VPS54: variants seen among roughly 807,000 people sequenced by gnomAD.
The protein encoded by VPS54 is vacuolar protein sorting-associated protein 54.
Under a neutral mutation model 121.5 loss-of-function variants are expected in VPS54, and 45 were observed. The ratio of observed to expected loss-of-function variants is 0.37; its 90% CI spans 0.29 to 0.47. The LOEUF (loss-of-function observed/expected upper bound fraction) is 0.47. Ranked by LOEUF, VPS54 falls within the 20% of genes least tolerant of loss-of-function variation. VPS54 has a pLI of 0.99. For missense variants in VPS54, 1,090 were observed against 1,131.4 expected (o/e 0.96, Z 0.52); for synonymous variants, 371 against 385.8 (o/e 0.96, Z 0.45).
intron 7 of VPS54, among the ~76,000 whole-genome samples, chr2:63,955,785 T>C (rs2104545085): frequency 6.6e-6 from 1 of 152,196 alleles, no homozygotes; most frequent in South Asian, 2.1e-4. Flanking sequence ...CCTCAATCTA[T>C]TCTTGTATAT....
intron 1 of VPS54, among the ~76,000 whole-genome samples, chr2:63,988,618 C>A (rs557655236): frequency 6.6e-5 from 10 of 152,256 alleles, no homozygotes; most frequent in African/African-American, 2.4e-4. Context: ...ATTTCACGGA[C>A]ATTTATCACT....
At chr2:63,955,300 T>G (rs939921898) in intron 7 of VPS54, among the ~76,000 whole-genome samples, 2 of 152,024 alleles carry the variant, frequency 1.3e-5, no homozygotes, top group Non-Finnish European at 2.9e-5. Flanking sequence ...GGATATAAAT[T>G]TAGACCTAAT....
chr2:63,990,718 C>G (rs1281790051), intron 1 of VPS54, among the ~76,000 whole-genome samples: 3 of 152,212 alleles, frequency 2.0e-5, no homozygotes, highest in African/African-American at 4.8e-5. Context: ...CAATGCAACA[C>G]TTATTATGCC....
intron 11 of VPS54, among the ~76,000 whole-genome samples, chr2:63,934,403 T>TAC (rs940068342): frequency 6.4e-4 from 97 of 152,288 alleles, no homozygotes; most frequent in African/African-American, 2.2e-3. Context: ...GCCTAGCCCC[T>TAC]ACCTCTCTTT....
At chr2:63,953,000 T>C (rs1298282763) in intron 7 of VPS54, among the ~76,000 whole-genome samples, 1 of 151,976 alleles carries the variant, frequency 6.6e-6, no homozygotes, top group Non-Finnish European at 1.5e-5. Flanking sequence ...TTTAAATAGA[T>C]ATTACTCACT....
chr2:63,901,825 G>A (rs1672689912), intron 20 of VPS54, among the ~76,000 whole-genome samples: 2 of 152,074 alleles, frequency 1.3e-5, no homozygotes, highest in African/African-American at 4.8e-5. Flanking sequence ...AGACCAGCCT[G>A]GCCAACATGG....
chr2:63,936,832 A>G (rs954864272), intron 11 of VPS54, among the ~76,000 whole-genome samples: 1 of 152,188 alleles, frequency 6.6e-6, no homozygotes, highest in Admixed American at 6.5e-5. Context: ...GAGAGAGCCC[A>G]CAAATGAACT....
In VPS54 at chr2:63,962,398, T is replaced by A; in HGVS notation, c.670A>T (p.Ile224Phe). The A allele has an allele frequency of 6.2e-7, 1 of 1,613,756 alleles. No homozygotes were observed. The highest frequency in any genetic ancestry group is 8.5e-7 in the Non-Finnish European group (1 of 1,179,798). ...DIVEVNIAHQISLRSEAFFHA... is the reference protein window; with the variant it reads ...DIVEVNIAHQFSLRSEAFFHA... Reference sequence around the variant, plus strand: ...AAAAATGCTTCTGAACGTAGAGAGATCTGGTGAGCAATGTTTACTTCCACA... The same window carrying A: ...AAAAATGCTTCTGAACGTAGAGAGAACTGGTGAGCAATGTTTACTTCCACA... Residue 224 changes from isoleucine (I) to phenylalanine (F), a missense_variant, in exon 7 of 23, where the codon ATC becomes TTC. By Grantham distance (21) the Ile-to-Phe change is conservative. Coordinates refer to ENST00000272322, the MANE Select transcript of VPS54 (RefSeq NM_016516.3).
intron 11 of VPS54, among the ~76,000 whole-genome samples, chr2:63,937,622 C>G (rs746356698): frequency 6.6e-6 from 1 of 152,096 alleles, no homozygotes; most frequent in Non-Finnish European, 1.5e-5. Context: ...ACCGTATGAT[C>G]CAGAAATTCC....
chr2:63,956,993 G>C (rs1467410945), intron 7 of VPS54, among the ~76,000 whole-genome samples: 2 of 152,056 alleles, frequency 1.3e-5, no homozygotes, highest in Non-Finnish European at 2.9e-5. Flanking sequence ...GGGCTCACGA[G>C]ACTTATGTAC....
intron 5 of VPS54, among the ~76,000 whole-genome samples, chr2:63,966,498 A>G (rs1182233475): frequency 1.3e-5 from 2 of 152,194 alleles, no homozygotes; most frequent in Non-Finnish European, 2.9e-5. Context: ...CCTACCCGTT[A>G]TATTTTGTAA....
intron 20 of VPS54, among the ~76,000 whole-genome samples, chr2:63,908,370 A>C (rs1672991815): frequency 6.6e-6 from 1 of 152,182 alleles, no homozygotes; most frequent in African/African-American, 2.4e-5. Flanking sequence ...GCAAAACTAC[A>C]TGGACAAATA....
At chr2:63,989,778 G>T (rs1264084924) in intron 1 of VPS54, among the ~76,000 whole-genome samples, 1 of 152,150 alleles carries the variant, frequency 6.6e-6, no homozygotes, top group East Asian at 1.9e-4. Context: ...AAAAGGGTTT[G>T]AGTGCCCATG....
intron 7 of VPS54, among the ~76,000 whole-genome samples, chr2:63,951,893 T>G (rs1007413063): frequency 6.6e-6 from 1 of 152,182 alleles, no homozygotes; most frequent in Non-Finnish European, 1.5e-5. Flanking sequence ...AATAAATGTG[T>G]TCTAGAAAAC....
At chr2:64,009,256 T>C in intron 1 of VPS54, among the ~76,000 whole-genome samples, 1 of 152,216 alleles carries the variant, frequency 6.6e-6, no homozygotes, top group Admixed American at 6.5e-5. Flanking sequence ...ATAATTAACA[T>C]CTAATTGTGA....
chr2:63,912,410 T>C lies in VPS54; in HGVS notation c.2560A>G (p.Ile854Val), dbSNP rs1452878093. The change falls in exon 20 of 23, where the codon ATA (isoleucine) becomes GTA (valine). Residue 854 changes from isoleucine (I) to valine (V), a missense_variant. Ile to Val is a conservative substitution (Grantham distance 29, BLOSUM62 3). Coordinates refer to ENST00000272322, the MANE Select transcript of VPS54 (RefSeq NM_016516.3). Reference protein sequence around the residue: ...DHITKDYHDHIAEISAKLVAI... With the variant: ...DHITKDYHDHVAEISAKLVAI... ...ACAAGCTTAGCTGATATTTCAGCTA[T>C]GTGATCATGGTAGTCCTGCAATGAG... is the stretch of plus-strand genomic sequence containing the variant. The C allele has an allele frequency of 1.9e-6, 3 of 1,612,610 alleles. No homozygotes were observed. Among genetic ancestry groups the C allele is most frequent in the Non-Finnish European group, 2.5e-6 (3 of 1,179,016 alleles).
intron 20 of VPS54, among the ~76,000 whole-genome samples, chr2:63,911,951 A>G (rs1448300928): frequency 1.3e-5 from 2 of 152,226 alleles, no homozygotes; most frequent in African/African-American, 2.4e-5. Context: ...ATTTAATGAC[A>G]TATTGGGAAT....
chr2:63,900,220 C>CAAAA lies in VPS54; in HGVS notation c.2626-643_2626-640dup, dbSNP rs70965149. Among the ~76,000 whole-genome samples the CAAAA allele has an allele frequency of 3.1e-3, 198 of 63,138 alleles. 2 individuals are homozygous for CAAAA. Among genetic ancestry groups the CAAAA allele is most frequent in the Non-Finnish European group, 3.9e-3 (146 of 37,070 alleles). 41.4% of individuals were successfully genotyped at this position (63,138 alleles called of 152,430 possible). ...GGGCGACAAGAGTGAAACTCTGTCT[C>CAAAA]AAAAAAAAAAAAAAAAAAAAAAAAG... On this transcript the variant is annotated intron_variant, in intron 20 of 22. Coordinates refer to ENST00000272322, the MANE Select transcript of VPS54 (RefSeq NM_016516.3).
intron 6 of VPS54, among the ~76,000 whole-genome samples, chr2:63,964,534 T>C (rs1223893757): frequency 6.6e-6 from 1 of 152,202 alleles, no homozygotes; most frequent in African/African-American, 2.4e-5. Context: ...TATGAAAGCC[T>C]GTGTCATGAG....
Sources: allele counts gnomAD v4.1 joint callset (sites outside exome capture counted in the v4.1 genomes callset), GRCh38; gene constraint gnomAD v4.1.1; transcripts MANE v1.5; gene names NCBI Gene and HGNC (gene_info 2026-07-23, HGNC 2026-07-21).